SELENOF: variants seen among roughly 807,000 people sequenced by gnomAD.
SELENOF encodes the protein 15 kDa selenoprotein.
Under a neutral mutation model 20.5 loss-of-function variants are expected in SELENOF, and 16 were observed. The observed-to-expected ratio is 0.78, with a 90% CI of 0.53 to 1.19. SELENOF has a LOEUF of 1.19. Among genes scored for constraint, SELENOF ranks in the 50% most tolerant of loss-of-function variants. SELENOF has a pLI of 0.00. For missense variants in SELENOF, 215 were observed against 194.2 expected (o/e 1.11, Z -0.64); for synonymous variants, 78 against 74.5 (o/e 1.05, Z -0.24).
rs2102127017 is a variant in SELENOF at position 86,904,024 on chromosome 1, T to A, written c.85-576A>T. Among the ~76,000 whole-genome samples, 3 of 152,380 alleles carry A rather than the reference T, an allele frequency of 2.0e-5. No homozygotes were observed. In the South Asian group the frequency reaches 6.2e-4, roughly 32 times the overall value. ...AGAAAAGGCATATCATTGTTCATGA[T>A]GTTTATCACATAAATATTTTCTTAA... On this transcript the variant is annotated intron_variant, in intron 1 of 4. Transcript: ENST00000331835.
chr1:86,864,975 T>A (rs1197307344), intron 4 of SELENOF, among the ~76,000 whole-genome samples: 1 of 152,094 alleles, frequency 6.6e-6, no homozygotes, highest in East Asian at 1.9e-4. Flanking sequence ...TTTTTTCTTT[T>A]TTGCTTGGAT....
At chr1:86,863,775 G>T (rs1658522831) in intron 4 of SELENOF, among the ~76,000 whole-genome samples, 170 bp from the exon 5 acceptor site, 1 of 151,820 alleles carries the variant, frequency 6.6e-6, no homozygotes, top group Non-Finnish European at 1.5e-5. Context: ...AGTTTTACAG[G>T]ATTTCGGAAA....
chr1:86,882,583 G>T (rs1261383277), intron 2 of SELENOF, among the ~76,000 whole-genome samples: 1 of 151,168 alleles, frequency 6.6e-6, no homozygotes. Flanking sequence ...AGTGGCTACA[G>T]AAAATGGAAT....
chr1:86,905,869 T>C (rs1659814892), intron 1 of SELENOF, among the ~76,000 whole-genome samples: 1 of 136,034 alleles, frequency 7.4e-6, no homozygotes, highest in South Asian at 2.2e-4. Context: ...AGATAACACA[T>C]GAATGAATGA....
chr1:86,875,116 C>T (rs1658890024), intron 3 of SELENOF, among the ~76,000 whole-genome samples: 1 of 152,030 alleles, frequency 6.6e-6, no homozygotes, highest in Admixed American at 6.6e-5. Context: ...TGGCGCATGC[C>T]TGTAATCCCA....
chr1:86,883,020 G>GGAGGCA (rs1557460366), intron 2 of SELENOF, among the ~76,000 whole-genome samples: 1 of 151,914 alleles, frequency 6.6e-6, no homozygotes, highest in African/African-American at 2.4e-5. Context: ...CAGCTGCTTG[G>GGAGGCA]GAGGCAGAGG....
chr1:86,866,083 G>C (rs980306856), intron 4 of SELENOF, among the ~76,000 whole-genome samples: 11 of 150,630 alleles, frequency 7.3e-5, no homozygotes, highest in African/African-American at 2.7e-4. Context: ...TGTGGTCTCA[G>C]AATCTTGGGA....
At position 86,871,586 on chromosome 1, in the gene SELENOF, G is replaced by C. The variant is rs190201528; in HGVS notation, c.317-3484C>G. 9.9e-5 allele frequency among the ~76,000 whole-genome samples: 15 copies of C among 152,236 alleles called. No individual in the cohort carries two copies. In the East Asian group the frequency reaches 2.9e-3, roughly 29 times the overall value. Reference sequence around the variant, plus strand: ...GTATGCTAAGAAAGGCAACTGTGCTGGTGGATCTTCAGCCAGTCAGGAAAA... The same window carrying C: ...GTATGCTAAGAAAGGCAACTGTGCTCGTGGATCTTCAGCCAGTCAGGAAAA... On this transcript the variant is annotated intron_variant, in intron 3 of 4. Transcript: ENST00000331835.
intron 1 of SELENOF, among the ~76,000 whole-genome samples, chr1:86,912,277 GGATAT>G (rs1369866063): frequency 6.6e-6 from 1 of 152,100 alleles, no homozygotes; most frequent in African/African-American, 2.4e-5. Flanking sequence ...GTAATTCCCT[GGATAT>G]GATATATGTA....
intron 2 of SELENOF, among the ~76,000 whole-genome samples, chr1:86,888,013 C>T (rs1299329406): frequency 6.6e-6 from 1 of 152,186 alleles, no homozygotes; most frequent in Non-Finnish European, 1.5e-5. Flanking sequence ...GTAATCCCAG[C>T]ACTTTGGGAG....
At chr1:86,883,409 C>T (rs973973539) in intron 2 of SELENOF, among the ~76,000 whole-genome samples, 3 of 152,014 alleles carry the variant, frequency 2.0e-5, no homozygotes, top group Non-Finnish European at 4.4e-5. Context: ...GCACTCTACA[C>T]TTAAAAATGG....
intron 3 of SELENOF, among the ~76,000 whole-genome samples, chr1:86,875,975 T>C (rs1658914274): frequency 1.3e-5 from 2 of 151,970 alleles, no homozygotes; most frequent in Non-Finnish European, 2.9e-5. Context: ...TGGCGGGTCT[T>C]GTATTTGATT....
chr1:86,913,929 C>T, intron 1 of SELENOF, 99 bp downstream of exon 1: 3 of 1,143,820 alleles, frequency 2.6e-6, no homozygotes, highest in East Asian at 2.4e-5. Flanking sequence ...GAAGCGCAGT[C>T]CTCCCCACCC....
At chr1:86,911,959 A>C (rs1334670945) in intron 1 of SELENOF, among the ~76,000 whole-genome samples, 1 of 151,924 alleles carries the variant, frequency 6.6e-6, no homozygotes, top group Non-Finnish European at 1.5e-5. Context: ...TTTACTAGAG[A>C]CGGGGTTTCA....
rs1253628904 is a variant in SELENOF at position 86,900,149 on chromosome 1, G to A, written c.252+3132C>T. 4.6e-5 allele frequency among the ~76,000 whole-genome samples: 7 copies of A among 151,292 alleles called. 1 individual carries two copies. The highest frequency in any genetic ancestry group is 4.2e-4 in the South Asian group (2 of 4,762). ...GCTCCTCACATCCCAGACGATGGGCGGCCAGGCGGAGACGCTCCTCACTTC... is the reference window on the plus strand; with the variant it reads ...GCTCCTCACATCCCAGACGATGGGCAGCCAGGCGGAGACGCTCCTCACTTC... On this transcript the variant is annotated intron_variant, in intron 2 of 4. Transcript: ENST00000331835.
intron 1 of SELENOF, among the ~76,000 whole-genome samples, chr1:86,913,056 G>A (rs1446833608): frequency 6.6e-6 from 1 of 152,214 alleles, no homozygotes; most frequent in African/African-American, 2.4e-5. Flanking sequence ...GTTAATTACA[G>A]AAGTTAAGAA....
intron 2 of SELENOF, among the ~76,000 whole-genome samples, chr1:86,887,490 G>C (rs1391181268): frequency 1.3e-5 from 2 of 152,042 alleles, no homozygotes; most frequent in Non-Finnish European, 2.9e-5. Flanking sequence ...TTTAAACTAG[G>C]CTCTACAGAT....
At position 86,902,860 on chromosome 1, in the gene SELENOF, G is replaced by C. The variant is rs577205; in HGVS notation, c.252+421C>G. ...TAACAGTCCATATTCTTTTTAACCAGATTTCATGTTACAATTTATTGTAGA... is the reference window on the plus strand; with the variant it reads ...TAACAGTCCATATTCTTTTTAACCACATTTCATGTTACAATTTATTGTAGA... On this transcript the variant is annotated intron_variant, in intron 2 of 4. Transcript: ENST00000331835. Among the ~76,000 whole-genome samples the C allele has an allele frequency of 4.4e-3, 665 of 152,254 alleles. 4 individuals are homozygous for C. The highest frequency in any genetic ancestry group is 0.015 in the African/African-American group (640 of 41,548).
chr1:86,890,809 C>G (rs1369534011), intron 2 of SELENOF, among the ~76,000 whole-genome samples: 2 of 151,964 alleles, frequency 1.3e-5, no homozygotes, highest in Non-Finnish European at 2.9e-5. Context: ...CATGCCTGGC[C>G]TACGCATTAA....
Sources: allele counts gnomAD v4.1 joint callset (sites outside exome capture counted in the v4.1 genomes callset), GRCh38; gene constraint gnomAD v4.1.1; transcripts MANE v1.5; gene names NCBI Gene and HGNC (gene_info 2026-07-23, HGNC 2026-07-21).